GLIS3: variants seen among roughly 807,000 people sequenced by gnomAD.
The protein encoded by GLIS3 is zinc finger protein GLIS3.
In GLIS3, 53 loss-of-function variants were observed where a neutral mutation model predicts 78.6. The observed-to-expected ratio is 0.67, with a 90% CI of 0.54 to 0.85. GLIS3 has a LOEUF of 0.85. Among genes scored for constraint, GLIS3 ranks in the 40% least tolerant of loss-of-function variants. The pLI is 0.00. For missense variants in GLIS3, 1,703 were observed against 1,231.1 expected (o/e 1.38, Z -5.74); for synonymous variants, 684 against 509.9 (o/e 1.34, Z -4.60).
In GLIS3 at chr9:3,874,915, C is replaced by T. The variant is rs143982577; in HGVS notation, c.2297+4512G>A. On this transcript the variant is annotated intron_variant, in intron 8 of 10. Coordinates refer to ENST00000381971, the MANE Select transcript of GLIS3 (RefSeq NM_001042413.2). ...CTGTGGTCAATCCACAGGCCTCCTT[C>T]AGCTCTATTACCTGAACGACAAAGC... Among the ~76,000 whole-genome samples, 108 of 152,332 alleles carry T rather than the reference C, an allele frequency of 7.1e-4. 1 individual carries two copies. Among genetic ancestry groups the T allele is most frequent in the African/African-American group, 2.4e-3 (100 of 41,576 alleles).
At chr9:4,446,676 A>T in the GLIS3 span, among the ~76,000 whole-genome samples, 5,262 of 139,624 alleles carry the variant, frequency 0.038, 254 homozygotes, top group East Asian at 0.23. Context: ...TGCCCGGCTA[A>T]TTTTTTTTTT....
intron 2 of GLIS3, among the ~76,000 whole-genome samples, chr9:4,313,333 C>T (rs13284181): frequency 0.063 from 9,623 of 152,174 alleles, 397 homozygotes; most frequent in Admixed American, 0.11. Context: ...CATTGCTGCT[C>T]CCTCTTCAGC....
the GLIS3 span, among the ~76,000 whole-genome samples, chr9:4,460,641 A>G: frequency 6.6e-6 from 1 of 151,142 alleles, no homozygotes; most frequent in Non-Finnish European, 1.5e-5. Context: ...AAGCCATCCC[A>G]AGAGGAGCTT....
intron 4 of GLIS3, among the ~76,000 whole-genome samples, chr9:4,106,148 G>A (rs1484430855): frequency 1.3e-5 from 2 of 152,162 alleles, no homozygotes; most frequent in Non-Finnish European, 2.9e-5. Flanking sequence ...AAGCACTGCT[G>A]AATCACTTGA....
chr9:4,409,276 C>G, the GLIS3 span, among the ~76,000 whole-genome samples: 1 of 152,110 alleles, frequency 6.6e-6, no homozygotes, highest in Non-Finnish European at 1.5e-5. Flanking sequence ...GATTCTGATC[C>G]TTTAAATTAT....
intron 2 of GLIS3, among the ~76,000 whole-genome samples, chr9:4,126,442 T>TC (rs202242667): frequency 1.3e-5 from 2 of 152,160 alleles, no homozygotes; most frequent in Non-Finnish European, 1.5e-5. Context: ...TGATTTTTTT[T>TC]CTCCTCATCT....
At chr9:4,211,279 C>G (rs559665909) in intron 2 of GLIS3, among the ~76,000 whole-genome samples, 2 of 152,196 alleles carry the variant, frequency 1.3e-5, no homozygotes, top group Non-Finnish European at 2.9e-5. Flanking sequence ...CTTGGCTCCA[C>G]TTTAATAAAA....
At chr9:4,364,814 C>G in the GLIS3 span, among the ~76,000 whole-genome samples, 5 of 111,958 alleles carry the variant, frequency 4.5e-5, no homozygotes, top group Non-Finnish European at 5.0e-5. Flanking sequence ...GCCCTATTGA[C>G]CAGGCTGAAG....
chr9:4,118,165 C>G lies in GLIS3; in HGVS notation c.1313G>C (p.Gly438Ala), dbSNP rs1831849730. Residue 438 changes from glycine (G) to alanine (A), a missense_variant, in exon 4 of 11, where the codon GGC becomes GCC. Gly to Ala is a moderately conservative substitution (Grantham distance 60). Transcript: ENST00000381971. This position sits in a 1 kb window ranked among gnomAD's most constrained non-coding sequence, Gnocchi z 4.7. ...FKTERLEEFPGSTVDLPPAPP... is the reference protein window; with the variant it reads ...FKTERLEEFPASTVDLPPAPP... The stretch of plus-strand genomic sequence containing the variant: ...CGCGGGGGGTAGGTCTACGGTGCTG[C>G]CCGGGAACTCCTCCAGGCGTTCGGT... 1 of 1,565,390 alleles carries G rather than the reference C, an allele frequency of 6.4e-7. No individual in the cohort carries two copies. The highest frequency in any genetic ancestry group is 8.7e-7 in the Non-Finnish European group (1 of 1,155,380).
In GLIS3 at chr9:4,077,040, G is replaced by A. The variant is rs1273011600; in HGVS notation, c.1710+40728C>T. Among the ~76,000 whole-genome samples the A allele has an allele frequency of 2.6e-5, 4 of 152,142 alleles. No individual in the cohort carries two copies. The East Asian group carries it at 7.7e-4, about 29-fold the overall frequency. ...AGCCTCTGCACTCCAGCCTGGGTGA[G>A]AGACCAAGACCTTGTCTAAAAAAAC... On this transcript the variant is annotated intron_variant, in intron 4 of 10. Coordinates refer to ENST00000381971, the MANE Select transcript of GLIS3 (RefSeq NM_001042413.2).
chr9:4,214,520 T>C (rs868724515), intron 2 of GLIS3, among the ~76,000 whole-genome samples: 29 of 152,260 alleles, frequency 1.9e-4, no homozygotes, highest in African/African-American at 6.7e-4. Context: ...TAGAAACCTT[T>C]TGGTGTCTGC....
At chr9:4,403,266 G>A in the GLIS3 span, among the ~76,000 whole-genome samples, 1 of 152,174 alleles carries the variant, frequency 6.6e-6, no homozygotes, top group African/African-American at 2.4e-5. Flanking sequence ...AACAAAAGCT[G>A]AGGGATTTTA....
chr9:4,154,826 A>T (rs1834933815), intron 2 of GLIS3, among the ~76,000 whole-genome samples: 1 of 152,212 alleles, frequency 6.6e-6, no homozygotes, highest in Admixed American at 6.5e-5. Context: ...ATATTTAGAC[A>T]TTTAGACCAT....
the GLIS3 span, among the ~76,000 whole-genome samples, chr9:4,369,140 CATT>C: frequency 2.5e-4 from 38 of 152,198 alleles, 1 homozygote; most frequent in Admixed American, 2.2e-3. Flanking sequence ...AATTTTTGCA[CATT>C]ATTAAGACTA....
At chr9:3,996,749 T>G (rs1250091154) in intron 4 of GLIS3, among the ~76,000 whole-genome samples, 4 of 152,108 alleles carry the variant, frequency 2.6e-5, no homozygotes, top group Admixed American at 1.3e-4. Context: ...CAACATTGGT[T>G]TTTTTAGAAG....
intron 1 of GLIS3, among the ~76,000 whole-genome samples, chr9:4,297,197 T>A (rs1220296100): frequency 1.3e-5 from 2 of 152,158 alleles, no homozygotes; most frequent in Admixed American, 6.5e-5. Flanking sequence ...AAGTCTGGCT[T>A]ACTCCCAAGG....
intron 2 of GLIS3, among the ~76,000 whole-genome samples, chr9:4,143,122 T>A (rs1033643851): frequency 1.1e-4 from 16 of 152,020 alleles, no homozygotes; most frequent in South Asian, 4.1e-4. Context: ...ACTGTGTAAA[T>A]GTAAGATGTA....
At chr9:4,452,568 A>C in the GLIS3 span, among the ~76,000 whole-genome samples, 1 of 152,186 alleles carries the variant, frequency 6.6e-6, no homozygotes, top group Non-Finnish European at 1.5e-5. Flanking sequence ...TTCCATTCAC[A>C]ATTGCTACAA....
rs141074544 is a variant in GLIS3 at position 4,039,165 on chromosome 9, C to T, written c.1710+78603G>A. ...CACCTAGGGTGGTTCCACACTCTAC[C>T]CATTTCATATGGAATTTAATAGGGC... is the stretch of plus-strand genomic sequence containing the variant. On this transcript the variant is annotated intron_variant, in intron 4 of 10. Coordinates refer to ENST00000381971, the MANE Select transcript of GLIS3 (RefSeq NM_001042413.2). Among the ~76,000 whole-genome samples the T allele has an allele frequency of 4.1e-3, 627 of 152,262 alleles. 3 individuals are homozygous for T. Among genetic ancestry groups the T allele is most frequent in the Middle Eastern group, 0.02 (6 of 294 alleles).
Sources: allele counts gnomAD v4.1 joint callset (sites outside exome capture counted in the v4.1 genomes callset), GRCh38; gene constraint gnomAD v4.1.1; non-coding constraint Gnocchi (gnomAD v3.1); transcripts MANE v1.5; gene names NCBI Gene and HGNC (gene_info 2026-07-23, HGNC 2026-07-21).